The following ATP9B variants were observed in gnomAD, a reference collection of about 807,000 sequenced individuals.
ATP9B encodes the protein probable phospholipid-transporting ATPase IIB.
ATP9B carries 110 observed loss-of-function variants against 146.1 expected under a neutral mutation model. The ratio of observed to expected loss-of-function variants is 0.75; its 90% CI spans 0.65 to 0.88. The LOEUF (loss-of-function observed/expected upper bound fraction) is 0.88. Ranked by LOEUF, ATP9B falls within the 40% of genes least tolerant of loss-of-function variation. The probability of loss-of-function intolerance (pLI) is 0.00; values close to 1 mark genes in which losing one functional copy is unlikely to be tolerated. For synonymous variants in ATP9B, 604 were observed against 569.7 expected (o/e 1.06, Z -0.86); for missense variants, 1,499 against 1,496.4 (o/e 1.00, Z -0.03).
intron 2 of ATP9B, among the ~76,000 whole-genome samples, chr18:79,102,753 C>T (rs2075374731): frequency 6.6e-6 from 1 of 151,994 alleles, no homozygotes; most frequent in African/African-American, 2.4e-5. Flanking sequence ...TATGTTGAGT[C>T]TTCTAGATCA....
At chr18:79,203,349 C>G (rs1368463673) in intron 9 of ATP9B, among the ~76,000 whole-genome samples, 1 of 127,216 alleles carries the variant, frequency 7.9e-6, no homozygotes, top group African/African-American at 3.0e-5. Context: ...AGCAGGCACC[C>G]GATACTTCGT....
intron 23 of ATP9B, among the ~76,000 whole-genome samples, chr18:79,347,264 A>G (rs1016696004): frequency 6.6e-6 from 1 of 152,258 alleles, no homozygotes; most frequent in African/African-American, 2.4e-5. Context: ...AGCTCAAGCA[A>G]GCGTGGCTTT....
rs150457514 is a variant in ATP9B, at chr18:79,292,286, A to G, written c.1412-11318A>G. Among the ~76,000 whole-genome samples the G allele has an allele frequency of 3.5e-4, 54 of 152,336 alleles. No homozygotes were observed. The East Asian group carries it at 0.01, about 29-fold the overall frequency. On this transcript the variant is annotated intron_variant, in intron 13 of 29. Transcript: ENST00000426216. Reference sequence around the variant, plus strand: ...GCAAAACTCTCTCTGTATGTGTGACATGGTCATGTCCGTAGGAAATCCTCA... The same window carrying G: ...GCAAAACTCTCTCTGTATGTGTGACGTGGTCATGTCCGTAGGAAATCCTCA...
At chr18:79,316,712 T>C (rs1263816854) in intron 15 of ATP9B, among the ~76,000 whole-genome samples, 4 of 152,146 alleles carry the variant, frequency 2.6e-5, no homozygotes, top group East Asian at 1.9e-4. Context: ...AATGAACATA[T>C]GTTAACTTGG....
At chr18:79,311,904 G>C (rs1231311286) in intron 15 of ATP9B, among the ~76,000 whole-genome samples, 4 of 152,170 alleles carry the variant, frequency 2.6e-5, no homozygotes, top group Non-Finnish European at 5.9e-5. Flanking sequence ...GTTTCATTGA[G>C]CCTTTCGTGA....
At chr18:79,118,083 A>G (rs2094119565) in intron 4 of ATP9B, among the ~76,000 whole-genome samples, 1 of 152,226 alleles carries the variant, frequency 6.6e-6, no homozygotes, top group African/African-American at 2.4e-5. Context: ...TAAATATACC[A>G]CAACTGATTC....
chr18:79,120,265 GATTT>G (rs2147116875), intron 4 of ATP9B, among the ~76,000 whole-genome samples: 1 of 152,238 alleles, frequency 6.6e-6, no homozygotes, highest in East Asian at 1.9e-4. Flanking sequence ...AACATTTCCA[GATTT>G]CTTCTAGCCA....
intron 15 of ATP9B, among the ~76,000 whole-genome samples, chr18:79,322,242 T>C (rs1407579167): frequency 6.6e-6 from 1 of 152,228 alleles, no homozygotes; most frequent in Non-Finnish European, 1.5e-5. Flanking sequence ...TCAAGCCCCG[T>C]GGGTGACACC....
At chr18:79,323,091 T>C (rs1420034321) in intron 15 of ATP9B, among the ~76,000 whole-genome samples, 1 of 152,216 alleles carries the variant, frequency 6.6e-6, no homozygotes, top group Non-Finnish European at 1.5e-5. Context: ...TTATCGTTGC[T>C]TCGCGTTAGT....
intron 8 of ATP9B, among the ~76,000 whole-genome samples, chr18:79,190,903 T>TATA (rs2095360273): frequency 6.6e-6 from 1 of 152,086 alleles, no homozygotes; most frequent in Non-Finnish European, 1.5e-5. Context: ...GGGTTTTTTT[T>TATA]AAATATTTAC....
chr18:79,223,638 G>C (rs192884177), intron 11 of ATP9B, among the ~76,000 whole-genome samples: 3 of 152,144 alleles, frequency 2.0e-5, no homozygotes, highest in African/African-American at 7.2e-5. Flanking sequence ...ACATAATTCT[G>C]TAGCTTCTAG....
chr18:79,326,930 T>C (rs1159350207), intron 15 of ATP9B, among the ~76,000 whole-genome samples: 1 of 152,180 alleles, frequency 6.6e-6, no homozygotes, highest in African/African-American at 2.4e-5. Context: ...GAATCCTTGC[T>C]GCAGCTCTGA....
At chr18:79,221,209 C>A (rs191406715) in intron 11 of ATP9B, among the ~76,000 whole-genome samples, 37 of 152,270 alleles carry the variant, frequency 2.4e-4, no homozygotes, top group Admixed American at 7.8e-4. Context: ...TGGTCTTCAG[C>A]CCCTGATGGG....
chr18:79,081,082 T>G (rs1023119631), intron 1 of ATP9B, among the ~76,000 whole-genome samples: 3 of 152,182 alleles, frequency 2.0e-5, no homozygotes, highest in African/African-American at 7.2e-5. Flanking sequence ...GAAATTTTCT[T>G]TTTTTGTTGT....
In ATP9B at chr18:79,342,259, G is replaced by C. The variant is rs2096863555; in HGVS notation, c.2284-9G>C. On this transcript the variant is annotated splice_polypyrimidine_tract_variant and intron_variant, in intron 19 of 29. Coordinates refer to ENST00000426216, the MANE Select transcript of ATP9B (RefSeq NM_198531.5). ...TTGTTGAAATTCACCAGTTTAAATT[G>C]TTCCCTAGATATGGATGCTAACAGG... is the stretch of plus-strand genomic sequence containing the variant. 1 of 1,603,116 alleles carries C rather than the reference G, an allele frequency of 6.2e-7. No homozygotes were observed. The highest frequency in any genetic ancestry group is 1.7e-5 in the Admixed American group (1 of 59,874).
At chr18:79,225,701 T>G (rs8092285) in intron 11 of ATP9B, among the ~76,000 whole-genome samples, 2 of 43,892 alleles carry the variant, frequency 4.6e-5, no homozygotes, top group African/African-American at 3.0e-4. Context: ...GTCCCGCAGT[T>G]GCAGGGCGGC....
chr18:79,361,073 C>G (rs1481651253), intron 26 of ATP9B: 3 of 152,198 alleles, frequency 2.0e-5, no homozygotes, highest in Non-Finnish European at 1.5e-5. Flanking sequence ...GATGCGCTAC[C>G]CTCAACCCTA....
chr18:79,316,422 C>G (rs2096680411), intron 15 of ATP9B, among the ~76,000 whole-genome samples: 2 of 152,194 alleles, frequency 1.3e-5, no homozygotes, highest in African/African-American at 2.4e-5. Context: ...AATTTCCATC[C>G]ACCCCTCAGC....
At chr18:79,237,901 G>A (rs1196696828) in intron 11 of ATP9B, among the ~76,000 whole-genome samples, 1 of 152,044 alleles carries the variant, frequency 6.6e-6, no homozygotes, top group Non-Finnish European at 1.5e-5. Context: ...TATTCCCTAG[G>A]CTGGTCTCAG....
Sources: allele counts gnomAD v4.1 joint callset (sites outside exome capture counted in the v4.1 genomes callset), GRCh38; gene constraint gnomAD v4.1.1; transcripts MANE v1.5; gene names NCBI Gene and HGNC (gene_info 2026-07-23, HGNC 2026-07-21).